Variants in MXRA7 observed in about 807,000 individuals in gnomAD.
The protein encoded by MXRA7 is matrix remodeling associated 7, also known as matrix-remodeling-associated protein 7.
In MXRA7, 18 loss-of-function variants were observed where a neutral mutation model predicts 17.4. The ratio of observed to expected loss-of-function variants is 1.03; its 90% CI spans 0.71 to 1.53. The LOEUF is 1.53. Ranked by LOEUF, MXRA7 falls within the 40% of genes most tolerant of loss-of-function variation. The probability of loss-of-function intolerance (pLI) is 0.00; values close to 1 mark genes in which losing one functional copy is unlikely to be tolerated. For missense variants in MXRA7, 141 were observed against 209.3 expected (o/e 0.67, Z 2.01); for synonymous variants, 70 against 101.7 (o/e 0.69, Z 1.87).
chr17:76,684,563 C>A, intron 3 of MXRA7: 3 of 328,824 alleles, frequency 9.1e-6, no homozygotes, highest in South Asian at 6.7e-5. Context: ...AAGGGGGAGC[C>A]AATTCCAACA....
rs374078622 is a variant in MXRA7, at chr17:76,706,416, A to G, written c.342+4189T>C. 6.4e-3 allele frequency among the ~76,000 whole-genome samples: 729 copies of G among 113,706 alleles called. 37 individuals are homozygous for G. Among genetic ancestry groups the G allele is most frequent in the East Asian group, 0.022 (65 of 3,020 alleles). The allele number at this position is 113,706 out of a possible 152,430, so 74.6% of individuals were successfully genotyped here. A position where few individuals can be genotyped will look rare whatever the true frequency, so the allele number is the denominator to read the frequency against. On this transcript the variant is annotated intron_variant, in intron 1 of 3. Transcript: ENST00000449428. ...CCACGCTGCCGTCACAGAGGCCCAC[A>G]CTGCCATCACAAAGGACCACACTGC...
chr17:76,677,597 G>C (rs746244534), downstream of MXRA7: 1 of 1,609,892 alleles, frequency 6.2e-7, no homozygotes, highest in African/African-American at 1.3e-5. Context: ...TCTACATGTC[G>C]TAGAGCCGGA....
At chr17:76,702,776 T>C (rs967380679) in intron 1 of MXRA7, among the ~76,000 whole-genome samples, 1 of 149,938 alleles carries the variant, frequency 6.7e-6, no homozygotes, top group Admixed American at 6.7e-5. Context: ...CGCTGGAACC[T>C]GGGAGGGGTA....
intron 1 of MXRA7, among the ~76,000 whole-genome samples, chr17:76,698,107 C>T (rs1304619243): frequency 2.0e-5 from 3 of 152,224 alleles, no homozygotes; most frequent in African/African-American, 7.2e-5. Context: ...ACCAATCCCA[C>T]TGGCTAATCC....
chr17:76,694,162 T>A (rs2076507832), intron 1 of MXRA7, among the ~76,000 whole-genome samples: 1 of 152,172 alleles, frequency 6.6e-6, no homozygotes, highest in African/African-American at 2.4e-5. Flanking sequence ...ACCAGAGCAG[T>A]GAGCTGCCTA....
intron 1 of MXRA7, chr17:76,703,820 A>G (rs2076623205): frequency 6.6e-6 from 1 of 152,054 alleles, no homozygotes; most frequent in African/African-American, 2.4e-5. Context: ...TGTAAGTTCT[A>G]TGGCAATTCA....
At position 76,685,123 on chromosome 17, in the gene MXRA7, C is replaced by G; in HGVS notation, c.449G>C (p.Gly150Ala). The G allele has an allele frequency of 6.2e-7, 1 of 1,614,044 alleles. No homozygotes were observed. Among genetic ancestry groups the G allele is most frequent in the Non-Finnish European group, 8.5e-7 (1 of 1,179,990 alleles). ...SFKYSPGKLR[G>A]NQYKKMMTKE... ...GGTCATCATCTTCTTGTACTGGTTT[C>G]CCCTCAGCTTCCCGGGGCTGTATTT... Residue 150 changes from glycine to alanine, a missense_variant, in exon 3 of 4, where the codon GGA becomes GCA. Gly to Ala is a moderately conservative substitution (Grantham distance 60). Around this residue, in one of 3 missense-constraint regions of MXRA7, gnomAD observed 67 missense variants for 80.3 expected, o/e 0.83. Coordinates refer to ENST00000449428, the MANE Select transcript of MXRA7 (RefSeq NM_198530.4).
At position 76,703,102 on chromosome 17, in the gene MXRA7, A is replaced by T. The variant is rs1413777051; in HGVS notation, c.342+7503T>A. Among the ~76,000 whole-genome samples the T allele has an allele frequency of 4.0e-5, 6 of 151,590 alleles. No individual in the cohort carries two copies. In the South Asian group the frequency reaches 1.0e-3, roughly 26 times the overall value. ...ACTGCAGCTTGGGTGACAGAACCAG[A>T]CCTTGTCTCAAAACAGCAAGATTTA... is the stretch of plus-strand genomic sequence containing the variant. On this transcript the variant is annotated intron_variant, in intron 1 of 3. Transcript: ENST00000449428.
intron 3 of MXRA7, chr17:76,683,753 A>T: frequency 1.2e-6 from 1 of 818,842 alleles, no homozygotes; most frequent in Admixed American, 1.9e-5. Flanking sequence ...AAGGCGATGG[A>T]GGAGGGGAGG....
intron 1 of MXRA7, among the ~76,000 whole-genome samples, chr17:76,700,453 C>T (rs1375477027): frequency 6.6e-6 from 1 of 152,142 alleles, no homozygotes; most frequent in East Asian, 1.9e-4. Flanking sequence ...CATAACATAA[C>T]AGCACGAGGG....
At chr17:76,688,733 G>C in intron 1 of MXRA7, 1 of 1,193,114 alleles carries the variant, frequency 8.4e-7, no homozygotes, top group Non-Finnish European at 1.1e-6. Context: ...AATGGCCCGG[G>C]ATGGCCTTGG....
At chr17:76,689,023 A>T (rs2076445942) in intron 1 of MXRA7, 1 of 167,686 alleles carries the variant, frequency 6.0e-6, no homozygotes, top group Non-Finnish European at 1.3e-5. Flanking sequence ...AGCGGGTCGG[A>T]AGTGGCAAAC....
At chr17:76,684,426 G>T (rs182119873) in intron 3 of MXRA7, among the ~76,000 whole-genome samples, 1 of 152,274 alleles carries the variant, frequency 6.6e-6, no homozygotes, top group East Asian at 1.9e-4. Flanking sequence ...GCAAAGGACT[G>T]TCCCTCTGCT....
chr17:76,709,822 A>C (rs1473433249), intron 1 of MXRA7: 2 of 152,736 alleles, frequency 1.3e-5, no homozygotes, highest in Non-Finnish European at 2.9e-5. Flanking sequence ...ATCCACAGGC[A>C]GGACAAGGTG....
chr17:76,688,369 C>T (rs1449676527), intron 1 of MXRA7, 193 bp from the exon 2 acceptor site: 44 of 1,436,270 alleles, frequency 3.1e-5, no homozygotes, highest in African/African-American at 4.3e-5. Context: ...CAAAGTGACT[C>T]GGCTCACAAA....
chr17:76,704,081 C>T (rs1056939469), intron 1 of MXRA7, among the ~76,000 whole-genome samples: 1 of 151,054 alleles, frequency 6.6e-6, no homozygotes, highest in African/African-American at 2.4e-5. Context: ...CCAGCCTGGG[C>T]GACAGAGGGA....
intron 1 of MXRA7, chr17:76,688,894 A>C (rs984743147): frequency 6.2e-6 from 2 of 321,194 alleles, no homozygotes; most frequent in Non-Finnish European, 5.6e-6. Flanking sequence ...AGATGTGGAA[A>C]TGAATGAATG....
In MXRA7 at chr17:76,707,358, G is replaced by A. The variant is rs139717335; in HGVS notation, c.342+3247C>T. ...CTCGTTCTGTTGCCCAGGCTGAAGT[G>A]CAGTGGCACGATCTTGGCTCAACTG... On this transcript the variant is annotated intron_variant, in intron 1 of 3. Transcript: ENST00000449428. Among the ~76,000 whole-genome samples, 341 of 135,126 alleles carry A rather than the reference G, an allele frequency of 2.5e-3. 1 individual carries two copies. The highest frequency in any genetic ancestry group is 8.8e-3 in the African/African-American group (310 of 35,038). The allele number at this position is 135,126 out of a possible 152,430, so 88.6% of individuals were successfully genotyped here.
At chr17:76,672,772 T>C (rs990073222) in exon 4 of MXRA7, 2 of 152,134 alleles carry the variant, frequency 1.3e-5, no homozygotes, top group Admixed American at 1.3e-4. Context: ...TATTGGCTGC[T>C]ACCGTTAGCA....
Sources: gnomAD v4.1 joint callset for allele counts (sites outside exome capture counted in the v4.1 genomes callset) on GRCh38, gnomAD v4.1.1 for gene constraint, gnomAD v4.1.1 regional missense constraint, MANE v1.5 for transcripts, NCBI Gene and HGNC (gene_info 2026-07-23, HGNC 2026-07-21) for gene names.